The following PDE1C variants were observed in gnomAD, a reference collection of about 807,000 sequenced individuals.
PDE1C encodes the protein dual specificity calcium/calmodulin-dependent 3',5'-cyclic nucleotide phosphodiesterase 1C.
In PDE1C, 62 loss-of-function variants were observed where a neutral mutation model predicts 93.1. The observed-to-expected ratio is 0.67, with a 90% CI of 0.54 to 0.82. PDE1C has a LOEUF of 0.82. Among genes scored for constraint, PDE1C ranks in the 40% least tolerant of loss-of-function variants. The probability of loss-of-function intolerance (pLI) is 0.00; values close to 1 mark genes in which losing one functional copy is unlikely to be tolerated. For synonymous variants in PDE1C, 325 were observed against 310.1 expected (o/e 1.05, Z -0.50); for missense variants, 742 against 884.6 (o/e 0.84, Z 2.04).
intron 15 of PDE1C, 77 bp downstream of exon 15, chr7:31,815,847 A>G (rs1056926627): frequency 7.5e-6 from 8 of 1,072,486 alleles, no homozygotes; most frequent in African/African-American, 1.6e-5. Flanking sequence ...CCCCATCAGT[A>G]GGGTTGTTCA....
intron 3 of PDE1C, among the ~76,000 whole-genome samples, chr7:32,100,613 T>A (rs1335835764): frequency 6.6e-6 from 1 of 152,210 alleles, no homozygotes; most frequent in Non-Finnish European, 1.5e-5. Flanking sequence ...GACTCATTCA[T>A]AACCCACCTA....
rs1246589203 is a variant in PDE1C, at chr7:31,824,675, C to T, written c.1406+192G>A. 2.6e-5 allele frequency among the ~76,000 whole-genome samples: 4 copies of T among 152,226 alleles called. No homozygotes were observed. In the South Asian group the frequency reaches 6.2e-4, roughly 24 times the overall value. On this transcript the variant is annotated intron_variant, in intron 13 of 17. Transcript: ENST00000396191. Reference sequence around the variant, plus strand: ...CGATTTAGACCTTGGTCACCCTTTACAGTTTAGCCTGGAGAGTACGGATAA... The same window carrying T: ...CGATTTAGACCTTGGTCACCCTTTATAGTTTAGCCTGGAGAGTACGGATAA...
chr7:31,939,068 G>A (rs923232142), intron 2 of PDE1C, among the ~76,000 whole-genome samples: 4 of 152,144 alleles, frequency 2.6e-5, no homozygotes, highest in East Asian at 3.9e-4. Flanking sequence ...AAGCTCAAGC[G>A]CTGGCAAAAA....
chr7:32,216,261 A>G (rs1806425387), intron 1 of PDE1C, among the ~76,000 whole-genome samples: 1 of 152,074 alleles, frequency 6.6e-6, no homozygotes, highest in African/African-American at 2.4e-5. Context: ...ACCCATTAAG[A>G]CCACAGGTCC....
intron 3 of PDE1C, among the ~76,000 whole-genome samples, chr7:32,139,959 A>C (rs770543621): frequency 6.6e-6 from 1 of 152,082 alleles, no homozygotes; most frequent in African/African-American, 2.4e-5. Context: ...AGCTGGAAAA[A>C]ACCTGGGCAT....
intron 15 of PDE1C, among the ~76,000 whole-genome samples, chr7:31,811,821 A>G (rs1470106712): frequency 6.6e-6 from 1 of 152,054 alleles, no homozygotes; most frequent in African/African-American, 2.4e-5. Flanking sequence ...ATCTCAACAG[A>G]GGGCAAAGAT....
the PDE1C span, among the ~76,000 whole-genome samples, chr7:31,728,616 G>C: frequency 6.6e-6 from 1 of 152,144 alleles, no homozygotes; most frequent in Admixed American, 6.6e-5. Flanking sequence ...TCCGAGTACT[G>C]AGGATATAGA....
chr7:31,807,177 T>C (rs1016027562), intron 16 of PDE1C, among the ~76,000 whole-genome samples: 3 of 151,970 alleles, frequency 2.0e-5, no homozygotes, highest in African/African-American at 7.2e-5. Context: ...AAGTTGTTCA[T>C]GATTATGTTT....
chr7:32,308,148 T>A (rs1813065376), intron 1 of PDE1C, among the ~76,000 whole-genome samples: 1 of 152,216 alleles, frequency 6.6e-6, no homozygotes, highest in Admixed American at 6.5e-5. Flanking sequence ...AGCAACAGTC[T>A]GAGATCAAAC....
At chr7:31,622,681 C>G in the PDE1C span, among the ~76,000 whole-genome samples, 1 of 152,018 alleles carries the variant, frequency 6.6e-6, no homozygotes, top group Non-Finnish European at 1.5e-5. Context: ...GACACCCTAA[C>G]ATCACAATTA....
chr7:31,957,516 T>C (rs973865111), intron 2 of PDE1C, among the ~76,000 whole-genome samples: 2 of 152,134 alleles, frequency 1.3e-5, no homozygotes, highest in African/African-American at 2.4e-5. Context: ...CAAGGGACAA[T>C]AGGAAGTGAC....
chr7:32,306,495 C>A (rs1585099348), intron 1 of PDE1C, among the ~76,000 whole-genome samples: 1 of 152,178 alleles, frequency 6.6e-6, no homozygotes, highest in African/African-American at 2.4e-5. Flanking sequence ...CACGACCCCA[C>A]CTTAGTCCAG....
intron 16 of PDE1C, among the ~76,000 whole-genome samples, chr7:31,803,978 C>T (rs1442910382): frequency 6.6e-6 from 1 of 151,960 alleles, no homozygotes; most frequent in African/African-American, 2.4e-5. Context: ...GCCACACTGA[C>T]TTCCACAATG....
the PDE1C span, among the ~76,000 whole-genome samples, chr7:31,617,266 A>AAAATGATAGAT: frequency 0.93 from 142,117 of 152,180 alleles, 66,689 homozygotes; most frequent in East Asian, 0.99. Flanking sequence ...CAACAATTTA[A>AAAATGATAGAT]CTTTGCAAAG....
chr7:31,744,456 T>C, the PDE1C span, among the ~76,000 whole-genome samples: 1 of 152,164 alleles, frequency 6.6e-6, no homozygotes, highest in Non-Finnish European at 1.5e-5. Flanking sequence ...CTGAAACTCA[T>C]GCCTCTACAG....
At chr7:32,025,821 C>G (rs1338097848) in intron 2 of PDE1C, among the ~76,000 whole-genome samples, 3 of 152,266 alleles carry the variant, frequency 2.0e-5, no homozygotes, top group African/African-American at 7.2e-5. Context: ...CTCCACTTCT[C>G]TGTTCACAGG....
chr7:32,237,460 C>A (rs1317874222), intron 1 of PDE1C, among the ~76,000 whole-genome samples: 1 of 151,836 alleles, frequency 6.6e-6, no homozygotes, highest in Non-Finnish European at 1.5e-5. Flanking sequence ...AATGGAGTTT[C>A]TTTTGGGTAA....
intron 1 of PDE1C, among the ~76,000 whole-genome samples, chr7:32,306,991 G>T (rs903705962): frequency 1.3e-5 from 2 of 152,222 alleles, no homozygotes; most frequent in South Asian, 4.2e-4. Context: ...CTCTCTCAAG[G>T]GTTTGGCTTT....
chr7:32,263,373 C>CTGTG (rs373587004), intron 1 of PDE1C, among the ~76,000 whole-genome samples: 3 of 150,598 alleles, frequency 2.0e-5, no homozygotes, highest in African/African-American at 4.9e-5. Context: ...GTCTGTGTGT[C>CTGTG]TGTGTGTGTG....
Sources: allele counts gnomAD v4.1 joint callset (sites outside exome capture counted in the v4.1 genomes callset), GRCh38; gene constraint gnomAD v4.1.1; transcripts MANE v1.5; gene names NCBI Gene and HGNC (gene_info 2026-07-23, HGNC 2026-07-21).